The following RBFOX1 variants were observed in gnomAD, a reference collection of about 807,000 sequenced individuals.
RBFOX1 encodes RNA binding protein fox-1 homolog 1.
A neutral mutation model predicts 57.7 loss-of-function variants in RBFOX1; 8 were observed. That is an observed-to-expected ratio of 0.14 (90% CI 0.08 to 0.25). The LOEUF (loss-of-function observed/expected upper bound fraction) is 0.25, where lower values mean the gene tolerates loss of function less well. Among genes scored for constraint, RBFOX1 ranks in the 10% least tolerant of loss-of-function variants. RBFOX1 has a pLI of 1.00. For synonymous variants in RBFOX1, 326 were observed against 222.4 expected (o/e 1.47, Z -4.15); for missense variants, 611 against 548.5 (o/e 1.11, Z -1.14).
chr16:7,537,950 A>G (rs2081946840), intron 5 of RBFOX1, among the ~76,000 whole-genome samples: 1 of 152,224 alleles, frequency 6.6e-6, no homozygotes, highest in Admixed American at 6.5e-5. Flanking sequence ...TCCCAATTAA[A>G]TTTATTTCAG....
intron 3 of RBFOX1, among the ~76,000 whole-genome samples, chr16:6,774,605 A>G (rs1202021394): frequency 1.3e-5 from 2 of 152,210 alleles, no homozygotes; most frequent in Non-Finnish European, 2.9e-5. Flanking sequence ...TGTCAGCTAT[A>G]TAGAGTCATC....
chr16:7,299,547 C>G (rs545875033), intron 4 of RBFOX1, among the ~76,000 whole-genome samples: 1 of 152,168 alleles, frequency 6.6e-6, no homozygotes, highest in South Asian at 2.1e-4. Flanking sequence ...CTGCCTGGGA[C>G]GAAGCCCTTT....
At chr16:6,835,780 AAG>A (rs1307832420) in intron 3 of RBFOX1, among the ~76,000 whole-genome samples, 1 of 127,688 alleles carries the variant, frequency 7.8e-6, no homozygotes, top group African/African-American at 3.2e-5. Flanking sequence ...AAAAAAAAAA[AAG>A]TTTGTATCAT....
intron 2 of RBFOX1, among the ~76,000 whole-genome samples, chr16:6,578,066 C>G (rs1455879168): frequency 6.6e-6 from 1 of 151,050 alleles, no homozygotes; most frequent in Non-Finnish European, 1.5e-5. Context: ...TGTGTTACAA[C>G]AAAAAATAAG....
intron 3 of RBFOX1, among the ~76,000 whole-genome samples, chr16:5,807,717 C>T (rs1258095098): frequency 6.6e-6 from 1 of 152,168 alleles, no homozygotes; most frequent in Non-Finnish European, 1.5e-5. Flanking sequence ...TACATCGGTG[C>T]ATCACAAACT....
chr16:7,690,975 C>T (rs1253823513), intron 14 of RBFOX1, among the ~76,000 whole-genome samples: 1 of 152,064 alleles, frequency 6.6e-6, no homozygotes, highest in East Asian at 1.9e-4. Flanking sequence ...ATTGCACTTA[C>T]CGATTGATGA....
chr16:5,993,755 C>T (rs997143438), intron 4 of RBFOX1, among the ~76,000 whole-genome samples: 2 of 152,124 alleles, frequency 1.3e-5, no homozygotes, highest in Admixed American at 6.6e-5. Flanking sequence ...GCTGCATTTT[C>T]CTGAGCAGTG....
chr16:5,364,799 G>C (rs2065662709), intron 1 of RBFOX1, among the ~76,000 whole-genome samples: 1 of 152,184 alleles, frequency 6.6e-6, no homozygotes, highest in Non-Finnish European at 1.5e-5. Context: ...TAAAGATGGG[G>C]AGATGGGGAC....
At chr16:6,492,919 G>A (rs1175491398) in intron 2 of RBFOX1, among the ~76,000 whole-genome samples, 2 of 152,238 alleles carry the variant, frequency 1.3e-5, no homozygotes, top group African/African-American at 2.4e-5. Context: ...AAAAGATAAT[G>A]AAGGGACTAT....
chr16:6,136,346 G>A (rs924116809), intron 1 of RBFOX1, among the ~76,000 whole-genome samples: 3 of 151,950 alleles, frequency 2.0e-5, no homozygotes, highest in Non-Finnish European at 4.4e-5. Flanking sequence ...CCCTGTAATC[G>A]CAGTTGAGCC....
At chr16:7,700,766 A>G (rs1016139) in intron 14 of RBFOX1, among the ~76,000 whole-genome samples, 142,577 of 152,202 alleles carry the variant, frequency 0.94, 67,272 homozygotes, top group Non-Finnish European at 1. Flanking sequence ...CTCTACTCCG[A>G]GAGTGGCTGC....
intron 2 of RBFOX1, among the ~76,000 whole-genome samples, chr16:5,548,023 T>C (rs1411341638): frequency 6.6e-6 from 1 of 151,288 alleles, no homozygotes; most frequent in African/African-American, 2.4e-5. Context: ...TAACCGGGCG[T>C]GGTGGCTTGT....
intron 2 of RBFOX1, among the ~76,000 whole-genome samples, chr16:5,469,460 C>T (rs1019857153): frequency 1.3e-4 from 20 of 152,320 alleles, no homozygotes; most frequent in African/African-American, 1.7e-4. Flanking sequence ...TCTGTCTACG[C>T]TGCCTGAGTG....
exon 3 of RBFOX1, chr16:5,599,470 C>A: frequency 3.9e-6 from 2 of 513,370 alleles, no homozygotes; most frequent in Non-Finnish European, 6.8e-6. Context: ...CTGTCACCCA[C>A]GAATAACAGT....
intron 1 of RBFOX1, among the ~76,000 whole-genome samples, chr16:6,059,987 A>T (rs2095662433): frequency 6.6e-6 from 1 of 152,088 alleles, no homozygotes; most frequent in Non-Finnish European, 1.5e-5. Flanking sequence ...AGTGGGGAGG[A>T]TTCTCCAACT....
At chr16:6,559,577 TG>T (rs1346518980) in intron 2 of RBFOX1, among the ~76,000 whole-genome samples, 14 of 152,012 alleles carry the variant, frequency 9.2e-5, no homozygotes, top group African/African-American at 3.4e-4. Context: ...GGAAGGACAT[TG>T]GAAAATAGGA....
At chr16:7,370,899 T>G (rs2097552940) in intron 4 of RBFOX1, among the ~76,000 whole-genome samples, 2 of 152,200 alleles carry the variant, frequency 1.3e-5, no homozygotes, top group South Asian at 4.1e-4. Flanking sequence ...CAAAAAGAAA[T>G]GGAGAGAAAT....
intron 3 of RBFOX1, among the ~76,000 whole-genome samples, chr16:5,833,689 T>C (rs1359046890): frequency 6.6e-6 from 1 of 152,094 alleles, no homozygotes; most frequent in Non-Finnish European, 1.5e-5. Context: ...ACGTGTGCAT[T>C]GGTCCTTGAA....
intron 4 of RBFOX1, among the ~76,000 whole-genome samples, chr16:7,471,497 T>C (rs975798853): frequency 2.0e-5 from 3 of 152,188 alleles, no homozygotes; most frequent in Non-Finnish European, 4.4e-5. Flanking sequence ...GCACCCTTGT[T>C]AAAAGACATA....
Sources: gnomAD v4.1 joint callset for allele counts (sites outside exome capture counted in the v4.1 genomes callset) on GRCh38, gnomAD v4.1.1 for gene constraint, MANE v1.5 for transcripts, NCBI Gene and HGNC (gene_info 2026-07-23, HGNC 2026-07-21) for gene names.